GALNTL6: variants seen among roughly 807,000 people sequenced by gnomAD.
GALNTL6 encodes polypeptide N-acetylgalactosaminyltransferase-like 6.
In GALNTL6, 46 loss-of-function variants were observed where a neutral mutation model predicts 73.7. The observed-to-expected ratio is 0.62, with a 90% CI of 0.49 to 0.80. The LOEUF (loss-of-function observed/expected upper bound fraction) is 0.80. GALNTL6 is among the 30% of genes least tolerant of loss of function. GALNTL6 has a pLI of 0.00. For synonymous variants in GALNTL6, 259 were observed against 263.7 expected (o/e 0.98, Z 0.17); for missense variants, 604 against 755.0 (o/e 0.80, Z 2.34).
At chr4:172,672,613 G>A (rs553232323) in intron 5 of GALNTL6, among the ~76,000 whole-genome samples, 2 of 151,906 alleles carry the variant, frequency 1.3e-5, no homozygotes, top group South Asian at 4.2e-4. Flanking sequence ...TTGTACATCT[G>A]GTGGCATTCA....
chr4:172,034,395 C>CGTGTGTGTGT (rs1180185966), intron 2 of GALNTL6, among the ~76,000 whole-genome samples: 199 of 139,674 alleles, frequency 1.4e-3, no homozygotes, highest in African/African-American at 4.9e-3. Context: ...GGGGAGCGTG[C>CGTGTGTGTGT]GTGCGTGTGT....
At chr4:172,491,377 G>A (rs1031590055) in intron 5 of GALNTL6, among the ~76,000 whole-genome samples, 1 of 151,620 alleles carries the variant, frequency 6.6e-6, no homozygotes, top group Non-Finnish European at 1.5e-5. Flanking sequence ...GGTAAATACT[G>A]ATGTAGAAAA....
Position 172,126,090 on chromosome 4 carries a change from T to C in GALNTL6, c.139-103566T>C, listed in dbSNP as rs117728295. On this transcript the variant is annotated intron_variant, in intron 2 of 12. Coordinates refer to ENST00000506823, the MANE Select transcript of GALNTL6 (RefSeq NM_001034845.3). The stretch of plus-strand genomic sequence containing the variant: ...GCAATAAATTTTGCACTGTGTCACT[T>C]ATCAGTATTATCTAGATAAGAACCA... Among the ~76,000 whole-genome samples the C allele has an allele frequency of 2.4e-3, 358 of 152,290 alleles. 12 individuals carry two copies. In the East Asian group the frequency reaches 0.061, roughly 26 times the overall value.
intron 2 of GALNTL6, among the ~76,000 whole-genome samples, chr4:171,829,798 G>A (rs1409594223): frequency 6.6e-6 from 1 of 151,924 alleles, no homozygotes; most frequent in African/African-American, 2.4e-5. Context: ...GTAGAATGGT[G>A]GCACCTAAGA....
At position 172,487,349 on chromosome 4, in the gene GALNTL6, TCTTTCTTTC is replaced by T. The variant is rs1219518183; in HGVS notation, c.553+138664_553+138672del. On this transcript the variant is annotated intron_variant, in intron 5 of 12. Coordinates refer to ENST00000506823, the MANE Select transcript of GALNTL6 (RefSeq NM_001034845.3). Reference sequence around the variant, plus strand: ...TTCTTTCTTTCTTTCTTTCTTTCTTTCTTTCTTTCCTTCTTTCCTTCTTTTCTTTTCTTT... The same window carrying T: ...TTCTTTCTTTCTTTCTTTCTTTCTTTCTTCTTTCCTTCTTTTCTTTTCTTT... Among the ~76,000 whole-genome samples, 350 of 113,060 alleles carry T rather than the reference TCTTTCTTTC, an allele frequency of 3.1e-3. 8 individuals are homozygous for T. Among genetic ancestry groups the T allele is most frequent in the Admixed American group, 0.028 (327 of 11,722 alleles). 74.2% of individuals were successfully genotyped at this position (113,060 alleles called of 152,430 possible).
intron 8 of GALNTL6, among the ~76,000 whole-genome samples, chr4:172,900,418 A>T (rs1478909126): frequency 6.6e-6 from 1 of 152,156 alleles, no homozygotes; most frequent in Non-Finnish European, 1.5e-5. Context: ...TCTTAAGTTC[A>T]CTGTTAACCT....
At chr4:171,971,336 G>T (rs927809446) in intron 2 of GALNTL6, among the ~76,000 whole-genome samples, 2 of 152,088 alleles carry the variant, frequency 1.3e-5, no homozygotes, top group Non-Finnish European at 2.9e-5. Flanking sequence ...ACTTCGCTAC[G>T]GACTACAAGG....
At chr4:172,866,487 A>G (rs1262588590) in intron 7 of GALNTL6, among the ~76,000 whole-genome samples, 4 of 152,238 alleles carry the variant, frequency 2.6e-5, no homozygotes, top group Admixed American at 6.5e-5. Flanking sequence ...GAGTTGTGAG[A>G]ATAGACTGAG....
In GALNTL6 at chr4:172,714,717, ATTTG is replaced by A. The variant is rs1477837654; in HGVS notation, c.554-94639_554-94636del. On this transcript the variant is annotated intron_variant, in intron 5 of 12. Transcript: ENST00000506823. ...ATCAATACATAGGCCATTTAAAATT[ATTTG>A]TTTGAAACTCAGTATTCAGGAAAGC... Among the ~76,000 whole-genome samples, 3 of 152,088 alleles carry A rather than the reference ATTTG, an allele frequency of 2.0e-5. No individual in the cohort carries two copies. The East Asian group carries it at 5.8e-4, about 29-fold the overall frequency.
chr4:172,294,743 C>A (rs1335406393), intron 3 of GALNTL6, among the ~76,000 whole-genome samples: 5 of 152,062 alleles, frequency 3.3e-5, no homozygotes, highest in African/African-American at 1.2e-4. Context: ...TAAGATTCAA[C>A]ATGATTAAAA....
At chr4:172,022,347 C>A (rs1038251149) in intron 2 of GALNTL6, among the ~76,000 whole-genome samples, 3 of 152,040 alleles carry the variant, frequency 2.0e-5, no homozygotes, top group African/African-American at 7.2e-5. Context: ...TCCACACTGA[C>A]TTTTTCAACA....
At chr4:171,949,588 A>G (rs1022689235) in intron 2 of GALNTL6, among the ~76,000 whole-genome samples, 1 of 152,232 alleles carries the variant, frequency 6.6e-6, no homozygotes, top group Non-Finnish European at 1.5e-5. Flanking sequence ...AGTATTGCAG[A>G]TATTGAAATT....
intron 5 of GALNTL6, among the ~76,000 whole-genome samples, chr4:172,754,109 G>A (rs1039951660): frequency 2.0e-5 from 3 of 152,136 alleles, no homozygotes; most frequent in Non-Finnish European, 2.9e-5. Context: ...AACGGTTGGT[G>A]GAAATATTTT....
chr4:172,349,433 C>A (rs1346390453), intron 5 of GALNTL6, among the ~76,000 whole-genome samples: 1 of 152,030 alleles, frequency 6.6e-6, no homozygotes, highest in East Asian at 1.9e-4. Context: ...GAATATTATT[C>A]TTATGTCTCA....
intron 2 of GALNTL6, among the ~76,000 whole-genome samples, chr4:171,989,809 G>A (rs965880141): frequency 1.3e-5 from 2 of 152,168 alleles, no homozygotes; most frequent in African/African-American, 4.8e-5. Flanking sequence ...AAGGTCTAGG[G>A]CTGTAAAGCA....
At chr4:172,045,776 GAAAA>G (rs1265175347) in intron 2 of GALNTL6, among the ~76,000 whole-genome samples, 2 of 149,844 alleles carry the variant, frequency 1.3e-5, no homozygotes, top group African/African-American at 2.5e-5. Context: ...AAAAAAAAAA[GAAAA>G]AAGAAAAACT....
rs541611419 is a variant in GALNTL6 at position 172,960,601 on chromosome 4, AAC to A, written c.1371+8345_1371+8346del. The stretch of plus-strand genomic sequence containing the variant: ...AAGATTTGGGATAAGTCGCATTGGG[AAC>A]AGAGACTAGGGAGGGAACAATGTGT... On this transcript the variant is annotated intron_variant, in intron 10 of 12. Coordinates refer to ENST00000506823, the MANE Select transcript of GALNTL6 (RefSeq NM_001034845.3). 3.2e-3 allele frequency among the ~76,000 whole-genome samples: 494 copies of A among 152,226 alleles called. 3 individuals carry two copies. The highest frequency in any genetic ancestry group is 0.011 in the African/African-American group (473 of 41,546).
chr4:172,377,135 TTGATTGGTCCATTTTACGGAGAGC>T (rs1238563219), intron 5 of GALNTL6, among the ~76,000 whole-genome samples: 1 of 152,128 alleles, frequency 6.6e-6, no homozygotes, highest in Non-Finnish European at 1.5e-5. Flanking sequence ...ACACATCCTG[TTGATTGGTCCATTTTACGGAGAGC>T]TGATTGGTCC....
intron 2 of GALNTL6, among the ~76,000 whole-genome samples, chr4:171,929,730 C>A (rs975066110): frequency 1.3e-5 from 2 of 152,186 alleles, no homozygotes; most frequent in African/African-American, 4.8e-5. Context: ...GGCATTCACA[C>A]GCACCCACCC....
Sources: allele counts gnomAD v4.1 joint callset (sites outside exome capture counted in the v4.1 genomes callset), GRCh38; gene constraint gnomAD v4.1.1; transcripts MANE v1.5; gene names NCBI Gene and HGNC (gene_info 2026-07-23, HGNC 2026-07-21).